JAML: variants seen among roughly 807,000 people sequenced by gnomAD.
The protein encoded by JAML is junctional adhesion molecule-like.
A neutral mutation model predicts 39.3 loss-of-function variants in JAML; 25 were observed. That is an observed-to-expected ratio of 0.64 (90% confidence interval 0.46 to 0.89). JAML has a LOEUF of 0.89. JAML is among the 40% of genes least tolerant of loss of function. The pLI is 0.00. For missense variants in JAML, 440 were observed against 486.9 expected (o/e 0.90, Z 0.91); for synonymous variants, 162 against 179.2 (o/e 0.90, Z 0.77).
intron 1 of JAML, among the ~76,000 whole-genome samples, chr11:118,218,807 T>A (rs1358784793): frequency 6.6e-6 from 1 of 152,018 alleles, no homozygotes; most frequent in Non-Finnish European, 1.5e-5. Flanking sequence ...ATTTCAGTTT[T>A]AAAAAAAATC....
At chr11:118,206,691 C>G (rs549185985) in intron 4 of JAML, among the ~76,000 whole-genome samples, 236 of 152,300 alleles carry the variant, frequency 1.5e-3, no homozygotes, top group Admixed American at 2.9e-3. Context: ...CTCCTGCCCC[C>G]ACCCTCCCGA....
intron 3 of JAML, among the ~76,000 whole-genome samples, chr11:118,212,007 G>A (rs1418854746): frequency 4.3e-5 from 5 of 115,374 alleles, no homozygotes; most frequent in Non-Finnish European, 6.5e-5. Context: ...CTAGAACCTC[G>A]GAATTTACCC....
chr11:118,199,708 T>A (rs1336643743), intron 7 of JAML, among the ~76,000 whole-genome samples: 33 of 147,330 alleles, frequency 2.2e-4, no homozygotes, highest in African/African-American at 8.0e-4. Flanking sequence ...TTTTTTTTTT[T>A]TTTTTTGAGA....
chr11:118,213,274 A>G (rs906268760), intron 2 of JAML: 1 of 1,144,244 alleles, frequency 8.7e-7, no homozygotes, highest in African/African-American at 1.6e-5. Flanking sequence ...TGTTTTCACA[A>G]GATATGCTCT....
intron 9 of JAML, 63 bp downstream of exon 9, chr11:118,196,672 C>T: frequency 6.9e-7 from 1 of 1,454,064 alleles, no homozygotes; most frequent in Non-Finnish European, 9.6e-7. Flanking sequence ...CCCAGCCACG[C>T]CCACCACCAC....
chr11:118,219,327 A>C (rs1229652486), intron 1 of JAML, among the ~76,000 whole-genome samples: 3 of 152,236 alleles, frequency 2.0e-5, no homozygotes. Flanking sequence ...TATTGGTAGG[A>C]ATGCAAACTA....
At position 118,220,830 on chromosome 11, in the gene JAML, C is replaced by T. The variant is rs532548733; in HGVS notation, c.-21+4111G>A. ...GGGAAAAAGCCCCGCACAGCTTGTA[C>T]CCTCTGCCACAAGCTCAGCTGCTGA... On this transcript the variant is annotated intron_variant, in intron 1 of 9. Transcript: ENST00000356289. Among the ~76,000 whole-genome samples, 18 of 152,324 alleles carry T rather than the reference C, an allele frequency of 1.2e-4. No homozygotes were observed. The South Asian group carries it at 3.7e-3, about 32-fold the overall frequency.
At chr11:118,215,514 A>G (rs1195812246) in intron 1 of JAML, among the ~76,000 whole-genome samples, 2 of 144,704 alleles carry the variant, frequency 1.4e-5, no homozygotes, top group Non-Finnish European at 3.1e-5. Context: ...CACACTTGCT[A>G]TTTTTTTTTT....
chr11:118,206,951 C>T (rs932167395), intron 4 of JAML, among the ~76,000 whole-genome samples: 10 of 152,156 alleles, frequency 6.6e-5, no homozygotes, highest in African/African-American at 1.7e-4. Flanking sequence ...GAGTTCCTTC[C>T]AAAGAGTGTT....
At chr11:118,224,885 C>T (rs1323939743) in intron 1 of JAML, 56 bp downstream of exon 1, 2 of 152,216 alleles carry the variant, frequency 1.3e-5, no homozygotes, top group Non-Finnish European at 2.9e-5. Context: ...GACTGGCACA[C>T]TTCTGTGTGA....
chr11:118,206,034 C>T (rs374345537), intron 4 of JAML, 43 bp from the exon 5 acceptor site: 336 of 1,523,118 alleles, frequency 2.2e-4, no homozygotes, highest in Non-Finnish European at 2.9e-4. Flanking sequence ...AAGTTATAAT[C>T]TATAGAAGTC....
rs567132535 is a variant in JAML at position 118,209,768 on chromosome 11, G to T, written c.424+719C>A. Among the ~76,000 whole-genome samples the T allele has an allele frequency of 2.6e-5, 4 of 152,022 alleles. No homozygotes were observed. In the South Asian group the frequency reaches 8.3e-4, roughly 32 times the overall value. On this transcript the variant is annotated intron_variant, in intron 4 of 9. Coordinates refer to ENST00000356289, the MANE Select transcript of JAML (RefSeq NM_001098526.2). Reference sequence around the variant, plus strand: ...TGTTGCCCAAGCTAGTCTCAAACTGGCTTCAAGTGATCCTCCCACCTCGGG... The same window carrying T: ...TGTTGCCCAAGCTAGTCTCAAACTGTCTTCAAGTGATCCTCCCACCTCGGG...
At chr11:118,201,249 C>T (rs1948790690) in intron 6 of JAML, 1 of 152,076 alleles carries the variant, frequency 6.6e-6, no homozygotes, top group African/African-American at 2.4e-5. Context: ...AACAGAGGGG[C>T]ACAGAAAAAA....
intron 1 of JAML, among the ~76,000 whole-genome samples, chr11:118,218,744 C>T (rs900062179): frequency 6.6e-6 from 1 of 152,180 alleles, no homozygotes; most frequent in Non-Finnish European, 1.5e-5. Flanking sequence ...TTTATATATA[C>T]ATATTTAGCT....
intron 2 of JAML, chr11:118,212,916 A>G (rs1462317336): frequency 5.0e-6 from 8 of 1,614,114 alleles, no homozygotes; most frequent in Middle Eastern, 1.6e-4. Flanking sequence ...TCCACTTACC[A>G]TAACGACGAA....
chr11:118,201,702 A>G (rs1948802383), intron 6 of JAML: 1 of 152,344 alleles, frequency 6.6e-6, no homozygotes, highest in African/African-American at 2.4e-5. Flanking sequence ...AGAGGCCTAC[A>G]GTTCAAGACA....
chr11:118,204,925 C>T (rs943953406), intron 5 of JAML: 2 of 152,128 alleles, frequency 1.3e-5, no homozygotes, highest in Non-Finnish European at 2.9e-5. Flanking sequence ...TAGACACAAA[C>T]ATGAATGAAG....
At chr11:118,212,966 T>G (rs1241086038) in intron 2 of JAML, 10 of 1,614,012 alleles carry the variant, frequency 6.2e-6, no homozygotes, top group Non-Finnish European at 8.5e-6. Context: ...ACTGGTTCCC[T>G]CTCTGAAAAG....
intron 1 of JAML, among the ~76,000 whole-genome samples, chr11:118,216,167 C>T (rs1284916284): frequency 6.6e-6 from 1 of 151,998 alleles, no homozygotes; most frequent in East Asian, 1.9e-4. Context: ...GTCAGGAGAT[C>T]GAGACCATCC....
Sources: gnomAD v4.1 joint callset for allele counts (sites outside exome capture counted in the v4.1 genomes callset) on GRCh38, gnomAD v4.1.1 for gene constraint, MANE v1.5 for transcripts, NCBI Gene and HGNC (gene_info 2026-07-23, HGNC 2026-07-21) for gene names.